Variants in EYA4 observed in about 807,000 individuals in gnomAD.
The protein encoded by EYA4 is EYA transcriptional coactivator and phosphatase 4.
EYA4 carries 31 observed loss-of-function variants against 87.9 expected under a neutral mutation model. The observed-to-expected ratio is 0.35, with a 90% CI of 0.27 to 0.48. EYA4 has a LOEUF of 0.48. EYA4 is among the 20% of genes least tolerant of loss of function. The probability of loss-of-function intolerance (pLI) is 0.99; values close to 1 mark genes in which losing one functional copy is unlikely to be tolerated. For synonymous variants in EYA4, 263 were observed against 270.6 expected, an observed-to-expected ratio of 0.97 and a Z score of 0.28; for missense variants, 678 against 761.4, an observed-to-expected ratio of 0.89 and a Z score of 1.29.
chr6:133,414,881 C>T (rs767539148), intron 3 of EYA4, among the ~76,000 whole-genome samples: 1 of 151,952 alleles, frequency 6.6e-6, no homozygotes, highest in Non-Finnish European at 1.5e-5. Flanking sequence ...AGGTGGGTGA[C>T]GTTATATGTC....
intron 13 of EYA4, among the ~76,000 whole-genome samples, chr6:133,494,957 A>C (rs772098578): frequency 2.6e-5 from 4 of 152,194 alleles, no homozygotes; most frequent in Non-Finnish European, 4.4e-5. Context: ...ATTATTATGC[A>C]TTGTATACTT....
chr6:133,270,050 G>T (rs1383945771), intron 1 of EYA4, among the ~76,000 whole-genome samples: 1 of 152,112 alleles, frequency 6.6e-6, no homozygotes, highest in East Asian at 1.9e-4. Context: ...ATATTCACTG[G>T]CAGCGGATTA....
intron 19 of EYA4, among the ~76,000 whole-genome samples, chr6:133,526,471 C>T (rs181609133): frequency 2.6e-5 from 4 of 152,208 alleles, no homozygotes; most frequent in Admixed American, 6.6e-5. Flanking sequence ...TGTTTCTAGT[C>T]GATTTAAATC....
chr6:133,370,155 C>G (rs942044288), intron 2 of EYA4, among the ~76,000 whole-genome samples: 3 of 152,122 alleles, frequency 2.0e-5, no homozygotes, highest in Non-Finnish European at 2.9e-5. Context: ...CTGTAAACCT[C>G]GACACAGTTT....
intron 2 of EYA4, among the ~76,000 whole-genome samples, chr6:133,314,175 G>A (rs17242466): frequency 0.44 from 66,477 of 151,930 alleles, 15,245 homozygotes; most frequent in Non-Finnish European, 0.52. Context: ...TATGACTTCT[G>A]ATACAGATTA....
At chr6:133,414,399 C>A (rs962489248) in intron 3 of EYA4, among the ~76,000 whole-genome samples, 5 of 152,170 alleles carry the variant, frequency 3.3e-5, no homozygotes, top group Non-Finnish European at 7.3e-5. Flanking sequence ...CAAAGCTTGC[C>A]GTTATGATAG....
chr6:133,349,193 G>C (rs1487358657), intron 2 of EYA4, among the ~76,000 whole-genome samples: 1 of 152,128 alleles, frequency 6.6e-6, no homozygotes, highest in Non-Finnish European at 1.5e-5. Context: ...AATATCTTTT[G>C]AATAAAGCTT....
chr6:133,426,936 G>A (rs1288025078), intron 3 of EYA4, among the ~76,000 whole-genome samples: 4 of 152,138 alleles, frequency 2.6e-5, no homozygotes, highest in African/African-American at 9.7e-5. Context: ...GCGAATAGAA[G>A]TTACAATGTA....
chr6:133,508,163 T>A (rs773494008), intron 14 of EYA4, among the ~76,000 whole-genome samples: 1 of 152,158 alleles, frequency 6.6e-6, no homozygotes, highest in Non-Finnish European at 1.5e-5. Flanking sequence ...CTATGGTGAG[T>A]CATGTTTTTA....
At chr6:133,493,528 G>C (rs1797369658) in intron 13 of EYA4, among the ~76,000 whole-genome samples, 3 of 152,150 alleles carry the variant, frequency 2.0e-5, no homozygotes, top group Admixed American at 6.5e-5. Context: ...CCAGGACATT[G>C]GACTAGGGAA....
At chr6:133,501,800 A>G (rs1798140859) in intron 13 of EYA4, among the ~76,000 whole-genome samples, 1 of 152,188 alleles carries the variant, frequency 6.6e-6, no homozygotes, top group South Asian at 2.1e-4. Context: ...CTGCCTCTCC[A>G]GAGATATTTT....
At chr6:133,247,721 A>AT (rs1344428759) in intron 1 of EYA4, 2 of 152,030 alleles carry the variant, frequency 1.3e-5, no homozygotes, top group African/African-American at 4.8e-5. Context: ...AACTGATGAT[A>AT]TGCCCAGTAG....
intron 3 of EYA4, among the ~76,000 whole-genome samples, chr6:133,395,611 A>C (rs977162220): frequency 6.6e-6 from 1 of 152,162 alleles, no homozygotes; most frequent in South Asian, 2.1e-4. Context: ...AATACAAAAA[A>C]TTAGCCAGGC....
At chr6:133,292,154 T>TA (rs1188275579) in intron 2 of EYA4, among the ~76,000 whole-genome samples, 1 of 152,202 alleles carries the variant, frequency 6.6e-6, no homozygotes, top group Non-Finnish European at 1.5e-5. Flanking sequence ...ATATGGAACT[T>TA]ACTGTAATAG....
intron 13 of EYA4, among the ~76,000 whole-genome samples, chr6:133,505,122 A>T (rs1193723588): frequency 6.6e-6 from 1 of 152,110 alleles, no homozygotes. Flanking sequence ...TCTTTCTCTT[A>T]TCTTCGGAGT....
chr6:133,402,409 T>C (rs956736783), intron 3 of EYA4, among the ~76,000 whole-genome samples: 3 of 152,222 alleles, frequency 2.0e-5, no homozygotes, highest in African/African-American at 7.2e-5. Flanking sequence ...TCATTGGCTC[T>C]CTAAATACAG....
At chr6:133,289,391 T>C (rs963529190) in intron 2 of EYA4, among the ~76,000 whole-genome samples, 10 of 152,162 alleles carry the variant, frequency 6.6e-5, no homozygotes, top group Admixed American at 3.3e-4. Flanking sequence ...GCCATTGTTA[T>C]AAAAAAATAG....
intron 2 of EYA4, among the ~76,000 whole-genome samples, chr6:133,346,313 G>A (rs1005456427): frequency 1.3e-5 from 2 of 152,096 alleles, no homozygotes; most frequent in Admixed American, 1.3e-4. Flanking sequence ...TTCCCCAAGG[G>A]ATAATTACAT....
intron 3 of EYA4, among the ~76,000 whole-genome samples, chr6:133,444,063 CT>C (rs986100120): frequency 2.0e-5 from 3 of 152,160 alleles, no homozygotes; most frequent in African/African-American, 7.2e-5. Context: ...CTTTCCAAAT[CT>C]TACGTGTATA....
Sources: allele counts gnomAD v4.1 joint callset (sites outside exome capture counted in the v4.1 genomes callset), GRCh38; gene constraint gnomAD v4.1.1; transcripts MANE v1.5; gene names NCBI Gene and HGNC (gene_info 2026-07-23, HGNC 2026-07-21).